Variants in CLSTN2 observed in about 807,000 individuals in gnomAD.
CLSTN2 encodes the protein calsyntenin 2, also known as calsyntenin-2.
In CLSTN2, 48 loss-of-function variants were observed where a neutral mutation model predicts 101.2. The ratio of observed to expected loss-of-function variants is 0.47; its 90% CI spans 0.38 to 0.60. The LOEUF is 0.60. Among genes scored for constraint, CLSTN2 ranks in the 20% least tolerant of loss-of-function variants. The pLI, the probability that CLSTN2 is intolerant of heterozygous loss-of-function variation, is 0.00. For missense variants in CLSTN2, 1,160 were observed against 1,238.2 expected (o/e 0.94, Z 0.95); for synonymous variants, 481 against 463.6 (o/e 1.04, Z -0.48).
At chr3:140,020,252 G>T (rs1425137091) in intron 1 of CLSTN2, among the ~76,000 whole-genome samples, 1 of 152,208 alleles carries the variant, frequency 6.6e-6, no homozygotes, top group Non-Finnish European at 1.5e-5. Flanking sequence ...CCCAGCATGG[G>T]TGTTCAACAC....
In CLSTN2 at chr3:140,395,718, TC is replaced by T. The variant is rs1262421573; in HGVS notation, c.233-7910del. 2.0e-5 allele frequency among the ~76,000 whole-genome samples: 3 copies of T among 152,208 alleles called. No homozygotes were observed. The East Asian group carries it at 5.8e-4, about 29-fold the overall frequency. The stretch of plus-strand genomic sequence containing the variant: ...AAGTGATATTCTGGACATGATTACC[TC>T]TTGATGTGATTGGCACTTTTCCTTT... On this transcript the variant is annotated intron_variant, in intron 2 of 16. Coordinates refer to ENST00000458420, the MANE Select transcript of CLSTN2 (RefSeq NM_022131.3).
chr3:139,944,835 C>T (rs929872803), intron 1 of CLSTN2, among the ~76,000 whole-genome samples: 2 of 152,228 alleles, frequency 1.3e-5, no homozygotes, highest in African/African-American at 4.8e-5. Context: ...ACTATCTGCC[C>T]AAACCAACTT....
chr3:140,190,438 CAAAAA>C lies in CLSTN2; in HGVS notation c.232+14385_232+14389del, dbSNP rs35206840. 2.5e-4 allele frequency among the ~76,000 whole-genome samples: 21 copies of C among 82,940 alleles called. No homozygotes were observed. The South Asian group carries it at 3.6e-3, about 14-fold the overall frequency. 54.4% of individuals were successfully genotyped at this position (82,940 alleles called of 152,430 possible). A position where few individuals can be genotyped will look rare whatever the true frequency, so the allele number is the denominator to read the frequency against. On this transcript the variant is annotated intron_variant, in intron 2 of 16. Transcript: ENST00000458420. ...TTTAGGATAACCTCATCTATAGCTACAAAAAAAAAAAAAAAAAAAAAAAATCCTGC... is the reference window on the plus strand; with the variant it reads ...TTTAGGATAACCTCATCTATAGCTACAAAAAAAAAAAAAAAAAAATCCTGC...
At chr3:140,374,801 A>G (rs2087897934) in intron 2 of CLSTN2, among the ~76,000 whole-genome samples, 1 of 152,220 alleles carries the variant, frequency 6.6e-6, no homozygotes, top group African/African-American at 2.4e-5. Flanking sequence ...TTAGTCTTAC[A>G]TAAATAATAT....
At chr3:139,954,497 G>C (rs556309986) in intron 1 of CLSTN2, among the ~76,000 whole-genome samples, 1 of 152,114 alleles carries the variant, frequency 6.6e-6, no homozygotes, top group Non-Finnish European at 1.5e-5. Context: ...TTGAGGGCAG[G>C]GTTGCCCTAG....
At chr3:140,536,671 G>A (rs1401731235) in intron 9 of CLSTN2, among the ~76,000 whole-genome samples, 2 of 152,194 alleles carry the variant, frequency 1.3e-5, no homozygotes, top group Non-Finnish European at 2.9e-5. Flanking sequence ...CTAGAGAAAT[G>A]ACAACCCATT....
At chr3:139,997,750 A>G (rs933922386) in intron 1 of CLSTN2, among the ~76,000 whole-genome samples, 1 of 152,158 alleles carries the variant, frequency 6.6e-6, no homozygotes, top group South Asian at 2.1e-4. Context: ...TCAAATATAC[A>G]TTTTCAAATA....
chr3:140,537,023 T>C (rs145502766), intron 9 of CLSTN2, among the ~76,000 whole-genome samples: 79 of 152,326 alleles, frequency 5.2e-4, no homozygotes, highest in African/African-American at 1.8e-3. Flanking sequence ...ATTAATGGCC[T>C]ATGATGCAGC....
chr3:140,483,789 A>G (rs893462131), intron 8 of CLSTN2, among the ~76,000 whole-genome samples: 16 of 151,716 alleles, frequency 1.1e-4, no homozygotes, highest in Non-Finnish European at 1.6e-4. Flanking sequence ...TTATTTATTT[A>G]TTTATTTATT....
intron 2 of CLSTN2, among the ~76,000 whole-genome samples, chr3:140,237,676 C>A (rs1037380906): frequency 1.3e-5 from 2 of 152,128 alleles, no homozygotes; most frequent in Non-Finnish European, 2.9e-5. Context: ...TTATTTATTT[C>A]TGTTTCTTCA....
At chr3:140,472,123 G>A (rs544573425) in intron 8 of CLSTN2, among the ~76,000 whole-genome samples, 1 of 152,170 alleles carries the variant, frequency 6.6e-6, no homozygotes, top group South Asian at 2.1e-4. Flanking sequence ...CAGGTCCCCA[G>A]CAGCCCTTCA....
intron 8 of CLSTN2, among the ~76,000 whole-genome samples, chr3:140,502,998 C>A (rs1934612038): frequency 6.6e-6 from 1 of 152,160 alleles, no homozygotes; most frequent in Non-Finnish European, 1.5e-5. Flanking sequence ...CCTAGAAGAG[C>A]TTCTGTTTCC....
intron 8 of CLSTN2, among the ~76,000 whole-genome samples, chr3:140,522,203 C>T (rs929818664): frequency 9.2e-5 from 14 of 152,222 alleles, no homozygotes; most frequent in African/African-American, 3.1e-4. Flanking sequence ...CCCCACAGGT[C>T]GGGTTGTTTG....
chr3:140,510,099 T>C (rs887059157), intron 8 of CLSTN2, among the ~76,000 whole-genome samples: 3 of 152,218 alleles, frequency 2.0e-5, no homozygotes, highest in Non-Finnish European at 4.4e-5. Flanking sequence ...TAATAAAGTG[T>C]TAAGTATCTC....
At chr3:140,533,561 A>T (rs1367616108) in intron 9 of CLSTN2, among the ~76,000 whole-genome samples, 1 of 149,656 alleles carries the variant, frequency 6.7e-6, no homozygotes, top group Non-Finnish European at 1.5e-5. Context: ...ATACAAAAAA[A>T]TTAGCCGGGC....
intron 1 of CLSTN2, among the ~76,000 whole-genome samples, chr3:140,135,964 A>T (rs1434318193): frequency 6.6e-6 from 1 of 152,158 alleles, no homozygotes; most frequent in Non-Finnish European, 1.5e-5. Context: ...AATATGAGTA[A>T]GTCATTATTT....
intron 6 of CLSTN2, among the ~76,000 whole-genome samples, chr3:140,458,835 T>C (rs551363263): frequency 6.6e-6 from 1 of 152,262 alleles, no homozygotes; most frequent in East Asian, 1.9e-4. Context: ...GTCAAAAAGG[T>C]CAACTTATTT....
At chr3:140,404,220 C>A (rs2088278181) in intron 3 of CLSTN2, among the ~76,000 whole-genome samples, 1 of 152,184 alleles carries the variant, frequency 6.6e-6, no homozygotes, top group East Asian at 1.9e-4. Flanking sequence ...TTATGTTTAT[C>A]TCAGAGCCTA....
rs1336350504 is a variant in CLSTN2, at chr3:140,480,178, G to A, written c.1344+13447G>A. Among the ~76,000 whole-genome samples, 7 of 151,172 alleles carry A rather than the reference G, an allele frequency of 4.6e-5. No individual in the cohort carries two copies. The East Asian group carries it at 1.4e-3, about 30-fold the overall frequency. On this transcript the variant is annotated intron_variant, in intron 8 of 16. Transcript: ENST00000458420. ...TTCTCACTGTTCAGTTCCCACCTAT[G>A]GGTGAGAACATGCAGTGTTTGGTTT... is the stretch of plus-strand genomic sequence containing the variant.
Sources: gnomAD v4.1 joint callset for allele counts (sites outside exome capture counted in the v4.1 genomes callset) on GRCh38, gnomAD v4.1.1 for gene constraint, MANE v1.5 for transcripts, NCBI Gene and HGNC (gene_info 2026-07-23, HGNC 2026-07-21) for gene names.